KCNB2: variants seen among roughly 807,000 people sequenced by gnomAD.
KCNB2 encodes potassium voltage-gated channel subfamily B member 2.
A neutral mutation model predicts 61.5 loss-of-function variants in KCNB2; 15 were observed. That is an observed-to-expected ratio of 0.24 (90% CI 0.16 to 0.38). The LOEUF is 0.38. KCNB2 is among the 10% of genes least tolerant of loss of function. KCNB2 has a pLI of 1.00. For missense variants in KCNB2, 828 were observed against 1,125.2 expected, an observed-to-expected ratio of 0.74 and a Z score of 3.78; for synonymous variants, 457 against 446.0, an observed-to-expected ratio of 1.02 and a Z score of -0.31.
intron 2 of KCNB2, among the ~76,000 whole-genome samples, chr8:72,832,876 G>C (rs889080729): frequency 6.6e-6 from 1 of 152,170 alleles, no homozygotes; most frequent in African/African-American, 2.4e-5. Context: ...TTTTATAAGT[G>C]AGACAGAGAG....
intron 1 of KCNB2, among the ~76,000 whole-genome samples, chr8:72,561,787 A>ATATATATATG (rs1806538704): frequency 5.7e-5 from 4 of 69,658 alleles, no homozygotes; most frequent in Non-Finnish European, 9.4e-5. Context: ...GGATATATAT[A>ATATATATATG]TACATATATA....
intron 1 of KCNB2, among the ~76,000 whole-genome samples, chr8:72,538,600 A>C (rs1207158583): frequency 6.6e-6 from 1 of 152,190 alleles, no homozygotes; most frequent in Admixed American, 6.5e-5. Context: ...ATGACTGCAC[A>C]TGTGTTTCAA....
chr8:72,723,333 G>T (rs1374929896), intron 2 of KCNB2, among the ~76,000 whole-genome samples: 1 of 152,140 alleles, frequency 6.6e-6, no homozygotes, highest in Non-Finnish European at 1.5e-5. Context: ...TTAAAATGGG[G>T]TAACACTAGA....
At chr8:72,927,445 ATGTTTAGTAGAGACAGGGTTTCAC>A (rs1478139206) in intron 2 of KCNB2, among the ~76,000 whole-genome samples, 1 of 151,892 alleles carries the variant, frequency 6.6e-6, no homozygotes, top group Non-Finnish European at 1.5e-5. Flanking sequence ...TAATTTTTGT[ATGTTTAGTAGAGACAGGGTTTCAC>A]TGTGTTGGTC....
chr8:72,926,606 G>A lies in KCNB2; in HGVS notation c.580-9329G>A, dbSNP rs1374667701. Among the ~76,000 whole-genome samples the A allele has an allele frequency of 3.9e-5, 6 of 152,194 alleles. No homozygotes were observed. The Middle Eastern group carries it at 0.014, about 345-fold the overall frequency. On this transcript the variant is annotated intron_variant, in intron 2 of 2. Coordinates refer to ENST00000523207, the MANE Select transcript of KCNB2 (RefSeq NM_004770.3). Reference sequence around the variant, plus strand: ...AACATAAATAAATATTATTTGGAAAGATAAATGATGATTTAAGTCAAGGAT... The same window carrying A: ...AACATAAATAAATATTATTTGGAAAAATAAATGATGATTTAAGTCAAGGAT...
At chr8:72,860,089 C>G (rs572442400) in intron 2 of KCNB2, among the ~76,000 whole-genome samples, 1 of 152,256 alleles carries the variant, frequency 6.6e-6, no homozygotes, top group South Asian at 2.1e-4. Flanking sequence ...TATTCATTAG[C>G]TGATGGGCAT....
At chr8:72,682,989 A>C (rs1266897062) in intron 2 of KCNB2, among the ~76,000 whole-genome samples, 1 of 152,204 alleles carries the variant, frequency 6.6e-6, no homozygotes, top group African/African-American at 2.4e-5. Context: ...TACTAGAAAA[A>C]GTTGTTTTGT....
At chr8:72,774,529 T>C (rs1308920172) in intron 2 of KCNB2, among the ~76,000 whole-genome samples, 1 of 152,146 alleles carries the variant, frequency 6.6e-6, no homozygotes, top group Non-Finnish European at 1.5e-5. Context: ...TTTGTATTTT[T>C]AGTAGAGACG....
chr8:72,637,240 G>C (rs1215400226), intron 2 of KCNB2, among the ~76,000 whole-genome samples: 1 of 152,128 alleles, frequency 6.6e-6, no homozygotes, highest in African/African-American at 2.4e-5. Context: ...AGTGTTACTA[G>C]ATTAAACCAG....
chr8:72,624,581 G>A (rs866313689), intron 2 of KCNB2, among the ~76,000 whole-genome samples: 2 of 151,890 alleles, frequency 1.3e-5, no homozygotes, highest in African/African-American at 4.8e-5. Flanking sequence ...ATTGAATAAT[G>A]GACTCAAAAT....
At chr8:72,705,118 G>A (rs1019113761) in intron 2 of KCNB2, among the ~76,000 whole-genome samples, 1 of 152,112 alleles carries the variant, frequency 6.6e-6, no homozygotes. Flanking sequence ...AGCTCAGATG[G>A]ACCCTCTCTT....
chr8:72,555,176 C>G (rs935689468), intron 1 of KCNB2, among the ~76,000 whole-genome samples: 2 of 151,812 alleles, frequency 1.3e-5, no homozygotes, highest in African/African-American at 4.8e-5. Context: ...GTTTCTTAAC[C>G]TATAAATAAA....
intron 2 of KCNB2, among the ~76,000 whole-genome samples, chr8:72,885,000 C>A (rs1343502215): frequency 2.0e-5 from 3 of 152,082 alleles, no homozygotes; most frequent in Non-Finnish European, 4.4e-5. Context: ...AAAAAGATAT[C>A]TTTTAGCAAA....
At chr8:72,723,591 G>A (rs984402976) in intron 2 of KCNB2, among the ~76,000 whole-genome samples, 8 of 152,158 alleles carry the variant, frequency 5.3e-5, no homozygotes, top group African/African-American at 1.9e-4. Context: ...GGGAGACCCA[G>A]TGGGCTCTGT....
Position 72,690,904 on chromosome 8 carries a change from C to G in KCNB2, c.579+122591C>G, listed in dbSNP as rs185961258. Reference sequence around the variant, plus strand: ...TTCACATTTGCAGAATCCTCTGGCTCCATGTTCCTGAAAGTAATGACAACT... The same window carrying G: ...TTCACATTTGCAGAATCCTCTGGCTGCATGTTCCTGAAAGTAATGACAACT... On this transcript the variant is annotated intron_variant, in intron 2 of 2. Coordinates refer to ENST00000523207, the MANE Select transcript of KCNB2 (RefSeq NM_004770.3). Among the ~76,000 whole-genome samples the G allele has an allele frequency of 2.5e-3, 378 of 152,176 alleles. 3 individuals carry two copies. Among genetic ancestry groups the G allele is most frequent in the African/African-American group, 8.3e-3 (344 of 41,500 alleles).
chr8:72,858,908 G>A (rs1810249607), intron 2 of KCNB2, among the ~76,000 whole-genome samples: 1 of 152,174 alleles, frequency 6.6e-6, no homozygotes, highest in African/African-American at 2.4e-5. Context: ...AATGTTCTCT[G>A]TTTGCTGTGC....
chr8:72,735,711 G>T (rs1236308923), intron 2 of KCNB2, among the ~76,000 whole-genome samples: 3 of 152,192 alleles, frequency 2.0e-5, no homozygotes, highest in African/African-American at 7.2e-5. Context: ...TCTTTTGGGA[G>T]CAGTAGGGCA....
chr8:72,845,100 C>T (rs1276974052), intron 2 of KCNB2, among the ~76,000 whole-genome samples: 4 of 152,090 alleles, frequency 2.6e-5, no homozygotes, highest in Non-Finnish European at 5.9e-5. Flanking sequence ...TCTTTGATGC[C>T]GGTGACCTTT....
chr8:72,712,270 G>A (rs1807338229), intron 2 of KCNB2, among the ~76,000 whole-genome samples: 1 of 152,232 alleles, frequency 6.6e-6, no homozygotes, highest in Admixed American at 6.5e-5. Flanking sequence ...GACATGCCAG[G>A]TGCCACATCA....
Sources: gnomAD v4.1 joint callset for allele counts (sites outside exome capture counted in the v4.1 genomes callset) on GRCh38, gnomAD v4.1.1 for gene constraint, MANE v1.5 for transcripts, NCBI Gene and HGNC (gene_info 2026-07-23, HGNC 2026-07-21) for gene names.